The following HDX variants were observed in gnomAD, a reference collection of about 807,000 sequenced individuals.
HDX encodes the protein highly divergent homeobox, also known as chromosome X open reading frame 43.
HDX carries 19 observed loss-of-function variants against 45.2 expected under a neutral mutation model. The observed-to-expected ratio is 0.42, with a 90% CI of 0.29 to 0.62. The LOEUF is 0.62. Among genes scored for constraint, HDX ranks in the 20% least tolerant of loss-of-function variants. The pLI is 0.20. For synonymous variants in HDX, 188 were observed against 172.8 expected (o/e 1.09, Z -0.69); for missense variants, 532 against 493.9 (o/e 1.08, Z -0.73).
chrX:84,470,210 T>C (rs1340482052), intron 3 of HDX, among the ~76,000 whole-genome samples: 1 of 111,527 alleles, frequency 9.0e-6, no homozygotes, highest in East Asian at 2.8e-4. Flanking sequence ...GCTGCTCTAT[T>C]AGAATGCAAT....
chrX:84,366,472 G>GA (rs763348843), intron 5 of HDX, among the ~76,000 whole-genome samples: 23 of 111,579 alleles, frequency 2.1e-4, no homozygotes, highest in Non-Finnish European at 3.8e-4. Flanking sequence ...CACAAAATTA[G>GA]AAAAAACTAC....
At chrX:84,497,505 T>C (rs1346594040) in intron 1 of HDX, among the ~76,000 whole-genome samples, 3 of 111,412 alleles carry the variant, frequency 2.7e-5, no homozygotes, top group Admixed American at 1.9e-4. Flanking sequence ...AGAAAGAATA[T>C]GGGTTTATGT....
At chrX:84,494,415 T>C (rs1298216609) in intron 1 of HDX, among the ~76,000 whole-genome samples, 1 of 112,245 alleles carries the variant, frequency 8.9e-6, no homozygotes, top group Non-Finnish European at 1.9e-5. Flanking sequence ...TTAATACTTT[T>C]AAAATGTAGG....
At chrX:84,467,690 G>A (rs1029342757) in intron 4 of HDX, among the ~76,000 whole-genome samples, 7 of 109,757 alleles carry the variant, frequency 6.4e-5, no homozygotes, top group Non-Finnish European at 9.5e-5. Context: ...AGGAAAAATG[G>A]CAACCATCCA....
intron 5 of HDX, among the ~76,000 whole-genome samples, chrX:84,399,885 C>T (rs2147952220): frequency 9.0e-6 from 1 of 111,630 alleles, no homozygotes; most frequent in South Asian, 3.8e-4. Context: ...AGCTTCATCC[C>T]TGGGATGCAA....
At chrX:84,333,615 TCTG>T in intron 9 of HDX, 141 bp downstream of exon 9, 1 of 370,289 alleles carries the variant, frequency 2.7e-6, no homozygotes, top group Non-Finnish European at 4.8e-6. Flanking sequence ...TAACCAGCAC[TCTG>T]ACTGATATTC....
Position 84,356,768 on chromosome X carries a change from G to A in HDX, c.1452+4698C>T, listed in dbSNP as rs890302665. ...TTCCCGAGTAGCTGGGACTATAGGCGCCCGCCACCACGCCTGGCTAATTTT... is the reference window on the plus strand; with the variant it reads ...TTCCCGAGTAGCTGGGACTATAGGCACCCGCCACCACGCCTGGCTAATTTT... On this transcript the variant is annotated intron_variant, in intron 6 of 10. Transcript: ENST00000373177. Among the ~76,000 whole-genome samples the A allele has an allele frequency of 1.5e-3, 168 of 109,045 alleles. 1 individual carries two copies. Among genetic ancestry groups the A allele is most frequent in the African/African-American group, 5.2e-3 (156 of 29,928 alleles). The allele number at this position is 109,045 out of a possible 115,157, so 94.7% of individuals were successfully genotyped here. A position where few individuals can be genotyped will look rare whatever the true frequency, so the allele number is the denominator to read the frequency against.
At chrX:84,481,960 G>C (rs753356799) in intron 2 of HDX, among the ~76,000 whole-genome samples, 1 of 111,511 alleles carries the variant, frequency 9.0e-6, no homozygotes, top group African/African-American at 3.3e-5. Flanking sequence ...AAATGAAAAC[G>C]TGTGTTATTT....
At chrX:84,424,790 C>T (rs1365911422) in intron 5 of HDX, among the ~76,000 whole-genome samples, 1 of 111,006 alleles carries the variant, frequency 9.0e-6, no homozygotes, top group African/African-American at 3.3e-5. Flanking sequence ...CCCTATCTCT[C>T]ACCATAGACA....
chrX:84,478,770 G>A (rs1303463410), intron 2 of HDX, among the ~76,000 whole-genome samples: 1 of 110,239 alleles, frequency 9.1e-6, no homozygotes, highest in South Asian at 3.9e-4. Flanking sequence ...CAGGTGAGAG[G>A]GTCTCTTGAA....
intron 6 of HDX, among the ~76,000 whole-genome samples, chrX:84,354,944 T>C (rs1401997877): frequency 0.15 from 10,074 of 68,187 alleles, 682 homozygotes; most frequent in East Asian, 0.43. Flanking sequence ...TATATATATA[T>C]ATATATATAT....
At chrX:84,426,944 A>G (rs1054010482) in intron 5 of HDX, among the ~76,000 whole-genome samples, 2 of 110,826 alleles carry the variant, frequency 1.8e-5, no homozygotes, top group African/African-American at 6.5e-5. Flanking sequence ...AAAAATAAAA[A>G]TGTTAAAAAT....
intron 5 of HDX, among the ~76,000 whole-genome samples, chrX:84,407,304 A>T (rs73625985): frequency 0.069 from 7,739 of 111,366 alleles, 328 homozygotes; most frequent in African/African-American, 0.16. Flanking sequence ...AACTGAGAAC[A>T]TGCAGTATTT....
In HDX at chrX:84,336,213, C is replaced by A. The variant is rs1186393099; in HGVS notation, c.1740+588G>T. The stretch of plus-strand genomic sequence containing the variant: ...GAGCATCACTATATGTTTACATTTT[C>A]ACAAAACCCAGTTTACTCCACACAC... On this transcript the variant is annotated intron_variant, in intron 8 of 10. Transcript: ENST00000373177. 2.7e-5 allele frequency among the ~76,000 whole-genome samples: 3 copies of A among 111,186 alleles called. No individual in the cohort carries two copies. The East Asian group carries it at 8.5e-4, about 32-fold the overall frequency.
chrX:84,472,796 G>C (rs2040476911), intron 3 of HDX, among the ~76,000 whole-genome samples: 1 of 109,117 alleles, frequency 9.2e-6, no homozygotes, highest in Non-Finnish European at 1.9e-5. Context: ...AAGTATGTAA[G>C]AAATATTTCC....
At chrX:84,382,773 A>T (rs1222883056) in intron 5 of HDX, among the ~76,000 whole-genome samples, 1 of 111,256 alleles carries the variant, frequency 9.0e-6, no homozygotes, top group Non-Finnish European at 1.9e-5. Flanking sequence ...TGAACAAGAC[A>T]TACTACTTGA....
intron 6 of HDX, among the ~76,000 whole-genome samples, chrX:84,356,983 C>A (rs956810287): frequency 9.0e-6 from 1 of 111,244 alleles, no homozygotes; most frequent in Non-Finnish European, 1.9e-5. Context: ...CTGTCCGTGT[C>A]TCCTCTCTTG....
chrX:84,435,870 C>T (rs2039616854), intron 5 of HDX, among the ~76,000 whole-genome samples: 3 of 87,473 alleles, frequency 3.4e-5, no homozygotes, highest in South Asian at 1.3e-3. Context: ...GTCAGTGTGG[C>T]GATTCCTCAG....
chrX:84,354,770 T>G (rs981353266), intron 6 of HDX, among the ~76,000 whole-genome samples: 1 of 107,851 alleles, frequency 9.3e-6, no homozygotes, highest in Non-Finnish European at 1.9e-5. Context: ...TCTCTGGGCC[T>G]TTCTTGCAAA....
Sources: allele counts gnomAD v4.1 joint callset (sites outside exome capture counted in the v4.1 genomes callset), GRCh38; gene constraint gnomAD v4.1.1; transcripts MANE v1.5; gene names NCBI Gene and HGNC (gene_info 2026-07-23, HGNC 2026-07-21).